Variants in CASP5 observed in about 807,000 individuals in gnomAD.
The protein encoded by CASP5 is caspase-5.
In CASP5, 42 loss-of-function variants were observed where a neutral mutation model predicts 45.2. The ratio of observed to expected loss-of-function variants is 0.93; its 90% confidence interval spans 0.73 to 1.20. CASP5 has a LOEUF of 1.20. Among genes scored for constraint, CASP5 ranks in the 50% most tolerant of loss-of-function variants. CASP5 has a pLI of 0.00. For missense variants in CASP5, 512 were observed against 532.2 expected (o/e 0.96, Z 0.37); for synonymous variants, 209 against 186.2 (o/e 1.12, Z -1.00).
At chr11:105,009,658 T>C (rs1862171728) in intron 1 of CASP5, among the ~76,000 whole-genome samples, 1 of 144,496 alleles carries the variant, frequency 6.9e-6, no homozygotes, top group Non-Finnish European at 1.5e-5. Flanking sequence ...AATATAATAC[T>C]GAGTTAATGT....
intron 3 of CASP5, among the ~76,000 whole-genome samples, chr11:105,005,653 C>G (rs11226574): frequency 1.8e-4 from 28 of 152,246 alleles, no homozygotes; most frequent in African/African-American, 6.5e-4. Flanking sequence ...CTGCAGGGAT[C>G]TGCAGCTGCC....
intron 1 of CASP5, among the ~76,000 whole-genome samples, chr11:105,009,718 CACATATATATATATATATATATATATAT>C (rs1283690435): frequency 2.4e-5 from 2 of 83,578 alleles, no homozygotes; most frequent in African/African-American, 5.9e-5. Flanking sequence ...TATATATACA[CACATATATATATATATATATATATATAT>C]ATATATATAT....
intron 1 of CASP5, among the ~76,000 whole-genome samples, chr11:105,017,526 C>T (rs1261480084): frequency 6.6e-6 from 1 of 151,838 alleles, no homozygotes; most frequent in Middle Eastern, 3.4e-3. Flanking sequence ...CCTCAGGAGC[C>T]GATGCGATCA....
chr11:105,020,256 A>C (rs1485264157), intron 1 of CASP5, among the ~76,000 whole-genome samples: 1 of 151,360 alleles, frequency 6.6e-6, no homozygotes, highest in Non-Finnish European at 1.5e-5. Context: ...CAAGACAGGG[A>C]TGCCCTCTCT....
intron 3 of CASP5, among the ~76,000 whole-genome samples, chr11:105,005,739 T>C (rs982277966): frequency 7.9e-5 from 12 of 152,228 alleles, no homozygotes; most frequent in African/African-American, 2.9e-4. Context: ...ATATGATATC[T>C]GGGATTGCTA....
chr11:105,009,742 T>C (rs982288673), intron 1 of CASP5, among the ~76,000 whole-genome samples: 16 of 68,822 alleles, frequency 2.3e-4, no homozygotes, highest in African/African-American at 1.3e-3. Context: ...TATATATATA[T>C]ATATATATAT....
At chr11:105,022,637 A>G (rs1378377759) in intron 1 of CASP5, among the ~76,000 whole-genome samples, 1 of 152,168 alleles carries the variant, frequency 6.6e-6, no homozygotes, top group Non-Finnish European at 1.5e-5. Flanking sequence ...AGTTAGTACC[A>G]GGACTACATA....
chr11:105,015,752 CAA>C (rs34623702), intron 1 of CASP5, among the ~76,000 whole-genome samples: 370 of 137,016 alleles, frequency 2.7e-3, no homozygotes, highest in African/African-American at 8.5e-3. Flanking sequence ...ATAAAATAGA[CAA>C]AAAAAAAAAA....
chr11:105,000,681 G>A lies in CASP5; in HGVS notation c.718-186C>T, dbSNP rs571114684. 1.5e-4 allele frequency among the ~76,000 whole-genome samples: 23 copies of A among 151,834 alleles called. No individual in the cohort carries two copies. The East Asian group carries it at 4.3e-3, about 28-fold the overall frequency. ...TTGTTTTTTTTTTCCTTTGTAATGG[G>A]GCTGTGGGTTCCTACTTTTTCTCCC... On this transcript the variant is annotated intron_variant, in intron 5 of 9. Coordinates refer to ENST00000260315, the MANE Select transcript of CASP5 (RefSeq NM_004347.5).
At chr11:105,009,031 T>G in intron 1 of CASP5, 51 bp from the exon 2 acceptor site, 1 of 1,570,642 alleles carries the variant, frequency 6.4e-7, no homozygotes, top group East Asian at 2.2e-5. Flanking sequence ...TTAAAGAGTT[T>G]TGCCCTTGCT....
intron 5 of CASP5, among the ~76,000 whole-genome samples, chr11:105,001,063 T>A (rs1861700987): frequency 6.6e-6 from 1 of 152,210 alleles, no homozygotes; most frequent in African/African-American, 2.4e-5. Flanking sequence ...TTCCTTCCGG[T>A]AGTGCCGTCC....
intron 6 of CASP5, 61 bp from the exon 7 acceptor site, chr11:104,999,089 A>G: frequency 6.9e-7 from 1 of 1,443,612 alleles, no homozygotes; most frequent in East Asian, 2.3e-5. Context: ...ATAGAAATGC[A>G]GAACGTGTAG....
intron 1 of CASP5, among the ~76,000 whole-genome samples, chr11:105,009,758 T>TATATATATATATACACAC (rs1555079440): frequency 4.4e-5 from 4 of 90,250 alleles, no homozygotes; most frequent in African/African-American, 1.7e-4. Context: ...TATATATATA[T>TATATATATATATACACAC]ACACACACAC....
At chr11:105,022,670 C>T (rs550581829) in intron 1 of CASP5, among the ~76,000 whole-genome samples, 8 of 152,204 alleles carry the variant, frequency 5.3e-5, no homozygotes, top group Admixed American at 1.3e-4. Context: ...AATGCAATCA[C>T]TTTAAACAGA....
At chr11:105,005,258 G>T (rs569509228) in intron 3 of CASP5, among the ~76,000 whole-genome samples, 1 of 152,040 alleles carries the variant, frequency 6.6e-6, no homozygotes, top group Admixed American at 6.6e-5. Flanking sequence ...GTAGTGGAGT[G>T]GTACAGGATC....
intron 1 of CASP5, among the ~76,000 whole-genome samples, chr11:105,012,459 A>G (rs1004520820): frequency 2.0e-5 from 3 of 151,918 alleles, no homozygotes; most frequent in Non-Finnish European, 4.4e-5. Context: ...GCTTTTGCAA[A>G]GCCAAGGAAA....
rs773500942 is a variant in CASP5, at chr11:104,995,750, G to A, written c.1299C>T (p.Gly433=). Residue 433 remains glycine (G), a synonymous_variant, in exon 9 of 10, where the codon GGC becomes GGT. Coordinates refer to ENST00000260315, the MANE Select transcript of CASP5 (RefSeq NM_004347.5). ...TLTRDFYLFP[G]N is the part of the protein sequence containing the mutation. ...ACTCTCAATACTTACATTTTCAATT[G>A]CCAGGAAAGAGGTAGAAATCTCTTG... The A allele has an allele frequency of 3.7e-6, 6 of 1,602,968 alleles. No homozygotes were observed. In the South Asian group the frequency reaches 6.6e-5, roughly 18 times the overall value.
rs569470421 is a variant in CASP5 at position 105,017,636 on chromosome 11, C to T, written c.7+5494G>A. 4.9e-3 allele frequency among the ~76,000 whole-genome samples: 739 copies of T among 152,074 alleles called. 6 individuals carry two copies. The highest frequency in any genetic ancestry group is 0.017 in the African/African-American group (689 of 41,486). On this transcript the variant is annotated intron_variant, in intron 1 of 9. Coordinates refer to ENST00000260315, the MANE Select transcript of CASP5 (RefSeq NM_004347.5). The stretch of plus-strand genomic sequence containing the variant: ...GAATAAAAAGAAATGAGCAAAGCCT[C>T]CAAGAAATATGGGACTATGTGAAAA...
At chr11:105,019,999 A>G (rs1327684351) in intron 1 of CASP5, among the ~76,000 whole-genome samples, 2 of 145,964 alleles carry the variant, frequency 1.4e-5, no homozygotes, top group African/African-American at 5.0e-5. Context: ...AGGCTGGTTC[A>G]ATATACGCAA....
Sources: allele counts gnomAD v4.1 joint callset (sites outside exome capture counted in the v4.1 genomes callset), GRCh38; gene constraint gnomAD v4.1.1; transcripts MANE v1.5; gene names NCBI Gene and HGNC (gene_info 2026-07-23, HGNC 2026-07-21).